Variants in KLHL21 observed in about 807,000 individuals in gnomAD.
KLHL21 encodes the protein kelch-like protein 21.
In KLHL21, 42 loss-of-function variants were observed where a neutral mutation model predicts 44.1. That is an observed-to-expected ratio of 0.95 (90% CI 0.74 to 1.23). KLHL21 has a LOEUF of 1.23. Ranked by LOEUF, KLHL21 falls within the 50% of genes most tolerant of loss-of-function variation. KLHL21 has a pLI of 0.00. For synonymous variants in KLHL21, 524 were observed against 411.6 expected (o/e 1.27, Z -3.31); for missense variants, 918 against 889.1 (o/e 1.03, Z -0.41).
chr1:6,598,981 T>A, intron 2 of KLHL21, 66 bp downstream of exon 2: 2 of 1,448,294 alleles, frequency 1.4e-6, no homozygotes, highest in Non-Finnish European at 1.9e-6. Context: ...AGCCATGATG[T>A]GTGCTTAAGA....
At chr1:6,594,625 G>C (rs1417750587) in intron 3 of KLHL21, 2 of 152,168 alleles carry the variant, frequency 1.3e-5, no homozygotes, top group Non-Finnish European at 2.9e-5. Flanking sequence ...AGAATGGCGT[G>C]AACCTGGGAG....
rs181930091 is a variant in KLHL21, at chr1:6,600,081, T to C, written c.1022-629A>G. On this transcript the variant is annotated intron_variant, in intron 1 of 3. Coordinates refer to ENST00000377658, the MANE Select transcript of KLHL21 (RefSeq NM_014851.4). ...TTATTTTTGAGACAGAGTCTTGCTC[T>C]GTCACCCAGACTGGAGTGCAGCGGC... Among the ~76,000 whole-genome samples the C allele has an allele frequency of 1.5e-4, 23 of 152,284 alleles. No individual in the cohort carries two copies. In the East Asian group the frequency reaches 3.3e-3, roughly 22 times the overall value.
intron 1 of KLHL21, among the ~76,000 whole-genome samples, chr1:6,600,057 T>G (rs141178557): frequency 9.8e-4 from 149 of 152,218 alleles, no homozygotes; most frequent in Middle Eastern, 3.4e-3. Flanking sequence ...TTATTATTAT[T>G]ATTTTTGAGA....
chr1:6,601,660 T>C (rs1315944710), intron 1 of KLHL21, 137 bp downstream of exon 1: 15 of 1,343,192 alleles, frequency 1.1e-5, no homozygotes, highest in African/African-American at 1.5e-5. Flanking sequence ...CAGAGACATG[T>C]AGTCACCAGA....
chr1:6,600,208 G>T (rs1640996101), intron 1 of KLHL21, among the ~76,000 whole-genome samples: 1 of 152,046 alleles, frequency 6.6e-6, no homozygotes, highest in African/African-American at 2.4e-5. Flanking sequence ...GCCACACCCA[G>T]CTAATTTTTG....
rs775031214 is a variant in KLHL21, at chr1:6,601,950, G to C, written c.868C>G (p.Leu290Val). The C allele has an allele frequency of 5.8e-6, 9 of 1,559,930 alleles. No individual in the cohort carries two copies. The African/African-American group carries it at 9.5e-5, about 17-fold the overall frequency. ...PSTGLAEILV[L>V]VGGCDQDCDE... The stretch of plus-strand genomic sequence containing the variant: ...CAGTCCTGGTCGCAGCCGCCCACGA[G>C]CACGAGGATCTCGGCGAGACCGGTG... Residue 290 changes from leucine (L) to valine (V), a missense_variant, in exon 1 of 4, where the codon CTC becomes GTC. Leu to Val is a conservative substitution (Grantham distance 32). Coordinates refer to ENST00000377658, the MANE Select transcript of KLHL21 (RefSeq NM_014851.4).
At chr1:6,600,291 C>T (rs1640997567) in intron 1 of KLHL21, among the ~76,000 whole-genome samples, 1 of 152,140 alleles carries the variant, frequency 6.6e-6, no homozygotes, top group South Asian at 2.1e-4. Context: ...AGTGATCCAC[C>T]CACCTTGATA....
intron 1 of KLHL21, among the ~76,000 whole-genome samples, chr1:6,601,181 C>T (rs865935271): frequency 2.6e-5 from 4 of 152,226 alleles, no homozygotes; most frequent in Non-Finnish European, 2.9e-5. Context: ...GACTGGGACC[C>T]GCCTACCATG....
intron 2 of KLHL21, 138 bp from the exon 3 acceptor site, chr1:6,595,695 T>C: frequency 1.4e-6 from 1 of 718,202 alleles, no homozygotes; most frequent in East Asian, 2.8e-5. Context: ...AGCAGCACCC[T>C]TGCCAGGTAG....
At chr1:6,596,534 G>A (rs987624346) in intron 2 of KLHL21, among the ~76,000 whole-genome samples, 1 of 152,232 alleles carries the variant, frequency 6.6e-6, no homozygotes, top group Non-Finnish European at 1.5e-5. Context: ...GCATAGACAC[G>A]AGCCTGGCTG....
chr1:6,601,836 A>G lies in KLHL21; in HGVS notation c.982T>C (p.Tyr328His). The G allele has an allele frequency of 6.3e-7, 1 of 1,585,884 alleles. No individual in the cohort carries two copies. The highest frequency in any genetic ancestry group is 8.6e-7 in the Non-Finnish European group (1 of 1,166,986). The change falls in exon 1 of 4, where the codon TAC becomes CAC. Residue 328 changes from tyrosine (Y) to histidine (H), a missense_variant. Transcript: ENST00000377658. ...AEFPDHLGGG[Y>H]SIVALGNDIY... Reference sequence around the variant, plus strand: ...TCATTGCCCAGCGCCACGATGCTGTAGCCTCCGCCCAGGTGGTCTGGGAAC... The same window carrying G: ...TCATTGCCCAGCGCCACGATGCTGTGGCCTCCGCCCAGGTGGTCTGGGAAC...
At chr1:6,599,479 A>G (rs755612988) in intron 1 of KLHL21, 27 bp from the exon 2 acceptor site, 1 of 1,578,452 alleles carries the variant, frequency 6.3e-7, no homozygotes, top group Non-Finnish European at 8.6e-7. Context: ...CAGGCAGAAG[A>G]TCAGCCCACT....
intron 2 of KLHL21, among the ~76,000 whole-genome samples, chr1:6,596,673 G>A (rs1338974466): frequency 6.6e-6 from 1 of 152,182 alleles, no homozygotes; most frequent in Non-Finnish European, 1.5e-5. Flanking sequence ...CTGTGGTGGT[G>A]GTGATGATGA....
chr1:6,593,947 A>C (rs767252750), intron 3 of KLHL21: 150 of 1,214,480 alleles, frequency 1.2e-4, no homozygotes, highest in Non-Finnish European at 1.5e-4. Flanking sequence ...TCTCTCTCAG[A>C]ATCTCTGCAG....
chr1:6,601,420 C>T (rs1012233626), intron 1 of KLHL21, among the ~76,000 whole-genome samples: 3 of 152,166 alleles, frequency 2.0e-5, no homozygotes, highest in African/African-American at 7.2e-5. Flanking sequence ...GAACAGATGC[C>T]TCACCGGGCG....
rs1640886229 is a variant in KLHL21, at chr1:6,593,665, G to C, written c.1501-7C>G. ...GGCTGCCCCCCACATGTACCTGTGG[G>C]CCAAAGGGATGAGTGAGTGGAGGTC... On this transcript the variant is annotated splice_polypyrimidine_tract_variant and splice_region_variant and intron_variant, in intron 3 of 3. Coordinates refer to ENST00000377658, the MANE Select transcript of KLHL21 (RefSeq NM_014851.4). The C allele has an allele frequency of 6.4e-7, 1 of 1,563,406 alleles. No homozygotes were observed. The highest frequency in any genetic ancestry group is 2.3e-5 in the East Asian group (1 of 44,408).
intron 1 of KLHL21, among the ~76,000 whole-genome samples, chr1:6,601,552 A>C (rs536043804): frequency 6.6e-6 from 1 of 152,366 alleles, no homozygotes; most frequent in South Asian, 2.1e-4. Flanking sequence ...GAGTTGGCTC[A>C]GCCTGGCAGC....
Position 6,601,798 on chromosome 1 carries a change from C to T in KLHL21, c.1020G>A (p.Thr340=), listed in dbSNP as rs1641025128. ...IVALGNDIYV[T]GGSDGSRLYD... is the part of the protein sequence containing the mutation. ...CTGCCCAGCCCCTGGCCCACTCACC[C>T]GTCACGTAGATGTCATTGCCCAGCG... The change falls in exon 1 of 4, where the codon ACG becomes ACA. Residue 340 remains threonine, a splice_region_variant and synonymous_variant. Coordinates refer to ENST00000377658, the MANE Select transcript of KLHL21 (RefSeq NM_014851.4). 2.5e-6 allele frequency: 4 copies of T among 1,570,070 alleles called. No homozygotes were observed. Among genetic ancestry groups the T allele is most frequent in the Middle Eastern group, 1.7e-4 (1 of 6,014 alleles).
rs1442208343 is a variant in KLHL21, at chr1:6,599,318, C to T, written c.1156G>A (p.Val386Met). ...CGCTCGGTGCTGTCGGCGGCCACCACGTACAGCAGTCCGTCCAGCACAGAG... is the reference window on the plus strand; with the variant it reads ...CGCTCGGTGCTGTCGGCGGCCACCATGTACAGCAGTCCGTCCAGCACAGAG... ...SSSVLDGLLY[V>M]VAADSTERYD... Residue 386 changes from valine to methionine, a missense_variant, in exon 2 of 4, where the codon GTG becomes ATG. Physicochemically the swap from Val to Met is conservative, Grantham distance 21. Transcript: ENST00000377658. 1.1e-5 allele frequency: 18 copies of T among 1,613,974 alleles called. No homozygotes were observed. The highest frequency in any genetic ancestry group is 6.7e-5 in the Admixed American group (4 of 60,022).
Sources: gnomAD v4.1 joint callset for allele counts (sites outside exome capture counted in the v4.1 genomes callset) on GRCh38, gnomAD v4.1.1 for gene constraint, MANE v1.5 for transcripts, NCBI Gene and HGNC (gene_info 2026-07-23, HGNC 2026-07-21) for gene names.